TTF1: variants seen among roughly 807,000 people sequenced by gnomAD.
The protein encoded by TTF1 is transcription termination factor 1.
A neutral mutation model predicts 80.2 loss-of-function variants in TTF1; 64 were observed. That is an observed-to-expected ratio of 0.80 (90% CI 0.65 to 0.98). The LOEUF (loss-of-function observed/expected upper bound fraction) is 0.98. TTF1 is among the 50% of genes least tolerant of loss of function. The probability of loss-of-function intolerance (pLI) is 0.00; values close to 1 mark genes in which losing one functional copy is unlikely to be tolerated. For missense variants in TTF1, 1,023 were observed against 1,086.2 expected (o/e 0.94, Z 0.82); for synonymous variants, 372 against 382.7 (o/e 0.97, Z 0.33).
chr9:132,395,869 C>T (rs150203883), intron 5 of TTF1, among the ~76,000 whole-genome samples: 2 of 152,258 alleles, frequency 1.3e-5, no homozygotes, highest in South Asian at 2.1e-4. Flanking sequence ...ACGTGCTAAC[C>T]CAAACGCTCG....
chr9:132,390,429 A>C (rs1029631774), intron 7 of TTF1, among the ~76,000 whole-genome samples, 168 bp downstream of exon 7: 4 of 152,216 alleles, frequency 2.6e-5, no homozygotes, highest in African/African-American at 7.2e-5. Context: ...AGGGCTAGTT[A>C]CGTGCTCATT....
chr9:132,388,037 A>G (rs1254736868), intron 8 of TTF1, 102 bp downstream of exon 8: 1 of 838,394 alleles, frequency 1.2e-6, no homozygotes, highest in East Asian at 2.6e-5. Flanking sequence ...TGGAACAGGG[A>G]TTTGGACCTT....
At chr9:132,404,530 C>T (rs897334623) in intron 1 of TTF1, among the ~76,000 whole-genome samples, 1 of 151,924 alleles carries the variant, frequency 6.6e-6, no homozygotes, top group Non-Finnish European at 1.5e-5. Flanking sequence ...TATCTTCTCT[C>T]TCATCTCTCT....
At chr9:132,378,669 GTGCA>G (rs1304470862) in intron 10 of TTF1, among the ~76,000 whole-genome samples, 9 of 126,256 alleles carry the variant, frequency 7.1e-5, no homozygotes, top group East Asian at 3.4e-4. Context: ...ACGTGTGTGA[GTGCA>G]TGCATGTGGT....
rs192765473 is a variant in TTF1, at chr9:132,390,646, C to T, written c.2173G>A (p.Val725Ile). The change falls in exon 7 of 11, where the codon GTA (valine) becomes ATA (isoleucine). Residue 725 changes from valine to isoleucine, a missense_variant. Physicochemically the swap from Val to Ile is conservative, Grantham distance 29. Coordinates refer to ENST00000334270, the MANE Select transcript of TTF1 (RefSeq NM_007344.4). ...KLYKGISWVE[V>I]EAKVQTRNWM... ...TTTCTGGTTTGCACTTTAGCTTCTA[C>T]TTCTACCCAAGATATGCCCTTGTAG... 4 of 1,614,236 alleles carry T rather than the reference C, an allele frequency of 2.5e-6. No homozygotes were observed. Among genetic ancestry groups the T allele is most frequent in the African/African-American group, 1.3e-5 (1 of 75,066 alleles).
At position 132,376,172 on chromosome 9, in the gene TTF1, C is replaced by A. The variant is rs1170585333; in HGVS notation, c.2465-4G>T. The A allele has an allele frequency of 6.2e-7, 1 of 1,607,242 alleles. No individual in the cohort carries two copies. The highest frequency in any genetic ancestry group is 8.5e-7 in the Non-Finnish European group (1 of 1,178,524). Reference sequence around the variant, plus strand: ...TCATAAAGGTAGTCGATGATCTCTACAGAAAAGAAATTTAATTGTGCAGTT... The same window carrying A: ...TCATAAAGGTAGTCGATGATCTCTAAAGAAAAGAAATTTAATTGTGCAGTT... On this transcript the variant is annotated splice_polypyrimidine_tract_variant and splice_region_variant and intron_variant, in intron 10 of 10. Coordinates refer to ENST00000334270, the MANE Select transcript of TTF1 (RefSeq NM_007344.4).
At chr9:132,401,316 A>T in intron 2 of TTF1, 139 bp downstream of exon 2, 12 of 788,546 alleles carry the variant, frequency 1.5e-5, no homozygotes, top group Non-Finnish European at 1.8e-5. Context: ...ATAAGAGCAA[A>T]TCTCCACCTC....
intron 4 of TTF1, 70 bp downstream of exon 4, chr9:132,398,071 T>G (rs1402843609): frequency 7.2e-7 from 1 of 1,384,812 alleles, no homozygotes; most frequent in South Asian, 1.5e-5. Flanking sequence ...GTGCTAACAC[T>G]TACCATGGGT....
chr9:132,396,476 A>G lies in TTF1; in HGVS notation c.1813T>C (p.Tyr605His). The change falls in exon 5 of 11, where the codon TAT (tyrosine) becomes CAT (histidine). Residue 605 changes from tyrosine (Y) to histidine (H), a missense_variant. By Grantham distance (83) the Tyr-to-His change is moderately conservative (BLOSUM62 2). Transcript: ENST00000334270. ...ACATCGAACATCTTCTTTGCTCGAT[A>G]GTATATAAGTTTCCAGGGCCGGGCA... ...NIARPWKLIY[Y>H]RAKKMFDVNN... 6.2e-7 allele frequency: 1 copy of G among 1,614,136 alleles called. No homozygotes were observed. The highest frequency in any genetic ancestry group is 8.5e-7 in the Non-Finnish European group (1 of 1,180,022).
In TTF1 at chr9:132,400,037, T is replaced by G. The variant is rs765563510; in HGVS notation, c.1589A>C (p.Gln530Pro). ...ACACTAAGGCCCCACAAGCTCACCT[T>G]GTGCTTTAAATTCCTTAAACCGTTC... ...DLERFKEFKA[Q>P]GVAIKFGKFS... The change falls in exon 3 of 11, where the codon CAA becomes CCA. Residue 530 changes from glutamine (Q) to proline (P), a missense_variant and splice_region_variant. By Grantham distance (76) the Gln-to-Pro change is moderately conservative. Coordinates refer to ENST00000334270, the MANE Select transcript of TTF1 (RefSeq NM_007344.4). 23 of 1,614,076 alleles carry G rather than the reference T, an allele frequency of 1.4e-5. No homozygotes were observed. Among genetic ancestry groups the G allele is most frequent in the Non-Finnish European group, 1.9e-5 (22 of 1,180,032 alleles).
chr9:132,377,495 TGA>T (rs1449290987), intron 10 of TTF1, among the ~76,000 whole-genome samples: 3 of 104,288 alleles, frequency 2.9e-5, no homozygotes, highest in African/African-American at 1.0e-4. Flanking sequence ...GTGGTGTGTG[TGA>T]GTGCATGCAT....
intron 8 of TTF1, 120 bp downstream of exon 8, chr9:132,388,019 G>A: frequency 1.5e-6 from 1 of 671,518 alleles, no homozygotes; most frequent in Non-Finnish European, 2.5e-6. Flanking sequence ...AATACATGCG[G>A]AAAGTGCTGG....
intron 2 of TTF1, among the ~76,000 whole-genome samples, chr9:132,400,871 A>G (rs796381373): frequency 3.3e-5 from 5 of 152,284 alleles, no homozygotes; most frequent in African/African-American, 1.2e-4. Context: ...GGGCTTTTAA[A>G]TTTACTCATA....
Position 132,401,506 on chromosome 9 carries a change from T to A in TTF1, c.1316A>T (p.Gln439Leu), listed in dbSNP as rs756087523. The change falls in exon 2 of 11, where the codon CAA (glutamine) becomes CTA (leucine). Residue 439 changes from glutamine to leucine, a missense_variant. Transcript: ENST00000334270. ...MEEGVKSRPR[Q>L]KKTQACLASK... is the part of the protein sequence containing the mutation. ...TGCCAAACAGGCCTGGGTTTTCTTT[T>A]GTCGGGGCCTAGATTTCACACCTTC... 7 of 1,614,122 alleles carry A rather than the reference T, an allele frequency of 4.3e-6. No individual in the cohort carries two copies. The highest frequency in any genetic ancestry group is 5.9e-6 in the Non-Finnish European group (7 of 1,179,990).
intron 1 of TTF1, among the ~76,000 whole-genome samples, 153 bp from the exon 2 acceptor site, chr9:132,402,981 G>A (rs1013693878): frequency 6.6e-6 from 1 of 152,058 alleles, no homozygotes; most frequent in Non-Finnish European, 1.5e-5. Flanking sequence ...TCAGCCTCCC[G>A]AATAGCTGGG....
chr9:132,377,897 GGTGTGAGTGCAT>G (rs1849256206), intron 10 of TTF1, among the ~76,000 whole-genome samples: 16 of 133,944 alleles, frequency 1.2e-4, no homozygotes, highest in East Asian at 4.7e-4. Flanking sequence ...GAGTGCATGT[GGTGTGAGTGCAT>G]GTGTGTGTGA....
chr9:132,404,892 T>G (rs150531446), intron 1 of TTF1, among the ~76,000 whole-genome samples: 73 of 152,166 alleles, frequency 4.8e-4, no homozygotes, highest in African/African-American at 1.7e-3. Context: ...TTCTTTTTTT[T>G]CTTTTTTTTT....
At chr9:132,377,763 A>AGTGC (rs2131616482) in intron 10 of TTF1, among the ~76,000 whole-genome samples, 2 of 98,416 alleles carry the variant, frequency 2.0e-5, no homozygotes, top group African/African-American at 4.2e-5. Flanking sequence ...GGTGCGTGTG[A>AGTGC]ATGCATGTGG....
At chr9:132,390,274 G>A (rs1047349735) in intron 7 of TTF1, among the ~76,000 whole-genome samples, 7 of 152,290 alleles carry the variant, frequency 4.6e-5, no homozygotes, top group Admixed American at 1.3e-4. Context: ...GCCACTGCGC[G>A]TGGCCCCTTT....
Sources: gnomAD v4.1 joint callset for allele counts (sites outside exome capture counted in the v4.1 genomes callset) on GRCh38, gnomAD v4.1.1 for gene constraint, MANE v1.5 for transcripts, NCBI Gene and HGNC (gene_info 2026-07-23, HGNC 2026-07-21) for gene names.